Variants in HBM observed in about 807,000 individuals in gnomAD.
HBM encodes the protein alpha globin pseudogene 2.
A neutral mutation model predicts 12.8 loss-of-function variants in HBM; 9 were observed. The observed-to-expected ratio is 0.70, with a 90% CI of 0.42 to 1.23. The LOEUF (loss-of-function observed/expected upper bound fraction) is 1.23, where lower values mean the gene tolerates loss of function less well. Among genes scored for constraint, HBM ranks in the 50% most tolerant of loss-of-function variants. HBM has a pLI of 0.00. For synonymous variants in HBM, 100 were observed against 92.0 expected, an observed-to-expected ratio of 1.09 and a Z score of -0.50; for missense variants, 214 against 195.4, an observed-to-expected ratio of 1.10 and a Z score of -0.57.
chr16:166,496 A>G, intron 2 of HBM, 24 bp downstream of exon 2: 2 of 1,249,460 alleles, frequency 1.6e-6, no homozygotes, highest in South Asian at 1.2e-5. Context: ...GGCCGGGGCA[A>G]TGGTGCAGCG....
chr16:166,430 C>G lies in HBM; in HGVS notation c.255C>G (p.Asp85Glu). The change falls in exon 2 of 3, where the codon GAC (aspartate) becomes GAG (glutamate). Residue 85 changes from aspartate (D) to glutamate (E), a missense_variant. Transcript: ENST00000356815. ...NLRAALSPLA[D>E]LHALVLRVDP... ...GCGCCGCGCTGAGCCCGCTGGCGGA[C>G]CTGCACGCGCTCGTGCTGCGCGTGG... 1.3e-6 allele frequency: 2 copies of G among 1,549,812 alleles called. No homozygotes were observed. The highest frequency in any genetic ancestry group is 1.7e-6 in the Non-Finnish European group (2 of 1,154,074).
At position 166,424 on chromosome 16, in the gene HBM, G is replaced by A. The variant is rs754176161; in HGVS notation, c.249G>A (p.Leu83=). The change falls in exon 2 of 3, where the codon CTG becomes CTA. Residue 83 remains leucine, a synonymous_variant. Coordinates refer to ENST00000356815, the MANE Select transcript of HBM (RefSeq NM_001003938.4). The part of the protein sequence containing the change: ...VDNLRAALSP[L]ADLHALVLRV... Reference sequence around the variant, plus strand: ...ACCTGCGCGCCGCGCTGAGCCCGCTGGCGGACCTGCACGCGCTCGTGCTGC... The same window carrying A: ...ACCTGCGCGCCGCGCTGAGCCCGCTAGCGGACCTGCACGCGCTCGTGCTGC... The A allele has an allele frequency of 1.5e-5, 24 of 1,552,490 alleles. No individual in the cohort carries two copies. The highest frequency in any genetic ancestry group is 3.4e-4 in the Middle Eastern group (2 of 5,798).
At chr16:166,533 G>T (rs1236067229) in intron 2 of HBM, 47 bp from the exon 3 acceptor site, 1 of 1,596,266 alleles carries the variant, frequency 6.3e-7, no homozygotes. Context: ...GGGCTCTGGG[G>T]GTCCCTAGCG....
Position 166,371 on chromosome 16 carries a change from G to A in HBM, c.196G>A (p.Val66Met), listed in dbSNP as rs1379391753. The A allele has an allele frequency of 1.5e-5, 24 of 1,583,772 alleles. No individual in the cohort carries two copies. The highest frequency in any genetic ancestry group is 2.0e-5 in the Non-Finnish European group (24 of 1,173,390). Reference protein sequence around the residue: ...LSHGQRMLAAVGAAVQHVDNL... With the variant: ...LSHGQRMLAAMGAAVQHVDNL... ...CCACGGGCAGCGCATGCTGGCGGCT[G>A]TGGGCGCGGCGGTGCAGCACGTGGA... is the stretch of plus-strand genomic sequence containing the variant. Residue 66 changes from valine (V) to methionine (M), a missense_variant, in exon 2 of 3, where the codon GTG becomes ATG. Val to Met is a conservative substitution (Grantham distance 21). Coordinates refer to ENST00000356815, the MANE Select transcript of HBM (RefSeq NM_001003938.4).
At chr16:166,232 C>T (rs1901908172) in intron 1 of HBM, 36 bp from the exon 2 acceptor site, 2 of 1,544,774 alleles carry the variant, frequency 1.3e-6, no homozygotes, top group African/African-American at 2.7e-5. Flanking sequence ...CCCCACGCAG[C>T]CGCCCTCCTC....
At chr16:166,206 G>A (rs1053525405) in intron 1 of HBM, 62 bp from the exon 2 acceptor site, 69 of 1,488,044 alleles carry the variant, frequency 4.6e-5, no homozygotes, top group Non-Finnish European at 6.2e-5. Flanking sequence ...TCTGGGCGGT[G>A]TGGGCGCTAG....
Position 166,326 on chromosome 16 carries a change from G to C in HBM, c.151G>C (p.Asp51His), listed in dbSNP as rs764282007. Residue 51 changes from aspartate (D) to histidine (H), a missense_variant, in exon 2 of 3, where the codon GAC (aspartate) becomes CAC (histidine). By Grantham distance (81) the Asp-to-His change is moderately conservative. Coordinates refer to ENST00000356815, the MANE Select transcript of HBM (RefSeq NM_001003938.4). ...VYFPHLSACQDATQLLSHGQR... is the reference protein window; with the variant it reads ...VYFPHLSACQHATQLLSHGQR... ...CTTCCCGCACCTGAGCGCCTGCCAG[G>C]ACGCGACGCAGCTGCTGAGCCACGG... 4 of 1,595,260 alleles carry C rather than the reference G, an allele frequency of 2.5e-6. No homozygotes were observed. The highest frequency in any genetic ancestry group is 3.4e-6 in the Non-Finnish European group (4 of 1,178,652).
Position 166,594 on chromosome 16 carries a change from T to C in HBM, c.312T>C (p.Cys104=), listed in dbSNP as rs141494605. ...DPANFPLLIQ[C]FHVVLASHLQ... is the part of the protein sequence containing the mutation. Reference sequence around the variant, plus strand: ...TTCTCCTGCAGCTGCTAATCCAGTGTTTCCACGTCGTGCTGGCCTCCCACC... The same window carrying C: ...TTCTCCTGCAGCTGCTAATCCAGTGCTTCCACGTCGTGCTGGCCTCCCACC... The change falls in exon 3 of 3, where the codon TGT becomes TGC. Residue 104 remains cysteine, a synonymous_variant. Coordinates refer to ENST00000356815, the MANE Select transcript of HBM (RefSeq NM_001003938.4). The C allele has an allele frequency of 7.7e-3, 12,468 of 1,613,698 alleles. 96 individuals carry two copies. Among genetic ancestry groups the C allele is most frequent in the Middle Eastern group, 0.035 (214 of 6,062 alleles).
At chr16:166,526 C>A in intron 2 of HBM, 54 bp downstream of exon 2, 1 of 1,587,276 alleles carries the variant, frequency 6.3e-7, no homozygotes, top group East Asian at 2.3e-5. Context: ...GGTGGGGGGG[C>A]TCTGGGGGTC....
At position 166,710 on chromosome 16, in the gene HBM, C is replaced by A. The variant is rs376289627; in HGVS notation, c.*2C>A. The A allele has an allele frequency of 1.2e-6, 2 of 1,613,938 alleles. No homozygotes were observed. The highest frequency in any genetic ancestry group is 3.3e-5 in the Admixed American group (2 of 60,010). ...GTGCTGACCGAAAAATACCGCTGAGCCCTGTGCTGCGCAGGCCTTGGTCTG... is the reference window on the plus strand; with the variant it reads ...GTGCTGACCGAAAAATACCGCTGAGACCTGTGCTGCGCAGGCCTTGGTCTG... On this transcript the variant is annotated 3_prime_UTR_variant, in exon 3 of 3. Coordinates refer to ENST00000356815, the MANE Select transcript of HBM (RefSeq NM_001003938.4).
chr16:166,366 C>A lies in HBM; in HGVS notation c.191C>A (p.Ala64Glu). Residue 64 changes from alanine to glutamate, a missense_variant, in exon 2 of 3, where the codon GCG becomes GAG. Ala to Glu is a moderately radical substitution (Grantham distance 107). Coordinates refer to ENST00000356815, the MANE Select transcript of HBM (RefSeq NM_001003938.4). ...CTGAGCCACGGGCAGCGCATGCTGG[C>A]GGCTGTGGGCGCGGCGGTGCAGCAC... ...QLLSHGQRML[A>E]AVGAAVQHVD... The A allele has an allele frequency of 6.3e-7, 1 of 1,585,336 alleles. No individual in the cohort carries two copies. Among genetic ancestry groups the A allele is most frequent in the East Asian group, 2.3e-5 (1 of 43,874 alleles).
chr16:166,314 A>G lies in HBM; in HGVS notation c.139A>G (p.Ser47Gly), dbSNP rs1276669331. Residue 47 changes from serine (S) to glycine (G), a missense_variant, in exon 2 of 3, where the codon AGC (serine) becomes GGC (glycine). Coordinates refer to ENST00000356815, the MANE Select transcript of HBM (RefSeq NM_001003938.4). ...PSTKVYFPHL[S>G]ACQDATQLLS... ...CACCAAGGTCTACTTCCCGCACCTG[A>G]GCGCCTGCCAGGACGCGACGCAGCT... The G allele has an allele frequency of 3.8e-6, 6 of 1,595,136 alleles. No individual in the cohort carries two copies. The highest frequency in any genetic ancestry group is 5.1e-6 in the Non-Finnish European group (6 of 1,178,630).
Position 166,088 on chromosome 16 carries a change from A to G in HBM, c.91A>G (p.Arg31Gly), listed in dbSNP as rs1901905422. The G allele has an allele frequency of 6.3e-7, 1 of 1,598,032 alleles. No homozygotes were observed. The highest frequency in any genetic ancestry group is 8.5e-7 in the Non-Finnish European group (1 of 1,171,528). The change falls in exon 1 of 3, where the codon AGG becomes GGG. Residue 31 changes from arginine to glycine, a missense_variant and splice_region_variant. By Grantham distance (125) the Arg-to-Gly change is moderately radical (BLOSUM62 -2). Transcript: ENST00000356815. ...EAQFGAELLLRLFTVYPSTKV... is the reference protein window; with the variant it reads ...EAQFGAELLLGLFTVYPSTKV... ...GCAATTCGGGGCGGAGCTGCTGCTC[A>G]GGTCGGTAGAGGCGGGGTCTCCGGG...
rs759665324 is a variant in HBM at position 166,662 on chromosome 16, A to G, written c.380A>G (p.Lys127Arg). 1.9e-6 allele frequency: 3 copies of G among 1,614,116 alleles called. No individual in the cohort carries two copies. Among genetic ancestry groups the G allele is most frequent in the East Asian group, 2.2e-5 (1 of 44,874 alleles). ...FTVQMQAAWDKFLTGVAVVLT... is the reference protein window; with the variant it reads ...FTVQMQAAWDRFLTGVAVVLT... ...GTGCAAATGCAAGCGGCGTGGGACA[A>G]GTTCCTGACTGGTGTGGCCGTGGTG... Residue 127 changes from lysine to arginine, a missense_variant, in exon 3 of 3, where the codon AAG becomes AGG. By Grantham distance (26) the Lys-to-Arg change is conservative (BLOSUM62 2). Transcript: ENST00000356815.
chr16:166,434 C>G lies in HBM; in HGVS notation c.259C>G (p.His87Asp), dbSNP rs530193442. 2.1e-5 allele frequency: 32 copies of G among 1,549,118 alleles called. 1 individual carries two copies. The South Asian group carries it at 3.7e-4, about 18-fold the overall frequency. ...CGCGCTGAGCCCGCTGGCGGACCTG[C>G]ACGCGCTCGTGCTGCGCGTGGACCC... Reference protein sequence around the residue: ...RAALSPLADLHALVLRVDPAN... With the variant: ...RAALSPLADLDALVLRVDPAN... The change falls in exon 2 of 3, where the codon CAC becomes GAC. Residue 87 changes from histidine to aspartate, a missense_variant. Coordinates refer to ENST00000356815, the MANE Select transcript of HBM (RefSeq NM_001003938.4).
chr16:166,491 G>T lies in HBM; in HGVS notation c.297+19G>T. 6.4e-7 allele frequency: 1 copy of T among 1,558,308 alleles called. No homozygotes were observed. The highest frequency in any genetic ancestry group is 2.4e-5 in the East Asian group (1 of 42,096). ...CTTTCCGGTGAGGCCTTTCCGGCCG[G>T]GGCAATGGTGCAGCGCGCAGCCGGG... On this transcript the variant is annotated intron_variant, in intron 2 of 2. Transcript: ENST00000356815.
At position 165,982 on chromosome 16, in the gene HBM, C is replaced by G. The variant is rs1292882417; in HGVS notation, c.-16C>G. 1.9e-6 allele frequency: 3 copies of G among 1,559,744 alleles called. No individual in the cohort carries two copies. In the Admixed American group the frequency reaches 5.5e-5, roughly 29 times the overall value. ...AGGGCGGCGGGCGCGGCCCCCAGAGCACGTCAGGCGGCGCCATGCTCAGCG... is the reference window on the plus strand; with the variant it reads ...AGGGCGGCGGGCGCGGCCCCCAGAGGACGTCAGGCGGCGCCATGCTCAGCG... On this transcript the variant is annotated 5_prime_UTR_variant, in exon 1 of 3. Coordinates refer to ENST00000356815, the MANE Select transcript of HBM (RefSeq NM_001003938.4).
Position 166,477 on chromosome 16 carries a change from G to C in HBM, c.297+5G>C, listed in dbSNP as rs1412765701. ...GTGGACCCAGCCAACTTTCCGGTGA[G>C]GCCTTTCCGGCCGGGGCAATGGTGC... On this transcript the variant is annotated splice_donor_5th_base_variant and intron_variant, in intron 2 of 2. Transcript: ENST00000356815. 6.4e-7 allele frequency: 1 copy of C among 1,552,514 alleles called. No homozygotes were observed. Among genetic ancestry groups the C allele is most frequent in the Non-Finnish European group, 8.7e-7 (1 of 1,152,676 alleles).
rs1340812281 is a variant in HBM, at chr16:166,439, G to C, written c.264G>C (p.Ala88=). The C allele has an allele frequency of 6.5e-7, 1 of 1,548,346 alleles. No individual in the cohort carries two copies. Among genetic ancestry groups the C allele is most frequent in the African/African-American group, 1.4e-5 (1 of 73,814 alleles). Residue 88 remains alanine (A), a synonymous_variant, in exon 2 of 3, where the codon GCG becomes GCC. Coordinates refer to ENST00000356815, the MANE Select transcript of HBM (RefSeq NM_001003938.4). ...AALSPLADLH[A]LVLRVDPANF... ...TGAGCCCGCTGGCGGACCTGCACGCGCTCGTGCTGCGCGTGGACCCAGCCA... is the reference window on the plus strand; with the variant it reads ...TGAGCCCGCTGGCGGACCTGCACGCCCTCGTGCTGCGCGTGGACCCAGCCA...
Sources: allele counts gnomAD v4.1 joint callset, GRCh38; gene constraint gnomAD v4.1.1; transcripts MANE v1.5; gene names NCBI Gene and HGNC (gene_info 2026-07-23, HGNC 2026-07-21).